CCDC148: variants seen among roughly 807,000 people sequenced by gnomAD.
CCDC148 encodes the protein coiled-coil domain-containing protein 148.
A neutral mutation model predicts 85.7 loss-of-function variants in CCDC148; 89 were observed. The ratio of observed to expected loss-of-function variants is 1.04; its 90% CI spans 0.87 to 1.24. CCDC148 has a LOEUF of 1.24. CCDC148 is among the 50% of genes most tolerant of loss of function. The pLI, the probability that CCDC148 is intolerant of heterozygous loss-of-function variation, is 0.00. For synonymous variants in CCDC148, 230 were observed against 213.9 expected (o/e 1.08, Z -0.66); for missense variants, 692 against 671.7 (o/e 1.03, Z -0.33).
chr2:158,177,524 C>A (rs1684651538), intron 12 of CCDC148, among the ~76,000 whole-genome samples: 1 of 152,054 alleles, frequency 6.6e-6, no homozygotes, highest in Non-Finnish European at 1.5e-5. Flanking sequence ...ACAGCTATTT[C>A]CTCTTTCAAA....
rs1684333081 is a variant in CCDC148, at chr2:158,171,818, T to A, written c.*295A>T. On this transcript the variant is annotated 3_prime_UTR_variant, in exon 14 of 14. Coordinates refer to ENST00000283233, the MANE Select transcript of CCDC148 (RefSeq NM_138803.4). ...ACAAAGTTATTTTGAGCTCTTTTTATAGGATAACATAACCTCCAACATGTA... is the reference window on the plus strand; with the variant it reads ...ACAAAGTTATTTTGAGCTCTTTTTAAAGGATAACATAACCTCCAACATGTA... 1 of 181,228 alleles carries A rather than the reference T, an allele frequency of 5.5e-6. No homozygotes were observed. Among genetic ancestry groups the A allele is most frequent in the Admixed American group, 6.2e-5 (1 of 16,092 alleles). The allele number at this position is 181,228 out of a possible 1,614,324, so 11.2% of individuals were successfully genotyped here.
chr2:158,236,929 G>A (rs1338344427), intron 10 of CCDC148, among the ~76,000 whole-genome samples: 3 of 152,180 alleles, frequency 2.0e-5, no homozygotes, highest in African/African-American at 7.2e-5. Flanking sequence ...GATGTCGGGA[G>A]TGACAAGTGC....
intron 9 of CCDC148, among the ~76,000 whole-genome samples, chr2:158,259,514 G>A (rs1299391085): frequency 1.3e-5 from 2 of 151,912 alleles, no homozygotes; most frequent in Non-Finnish European, 2.9e-5. Flanking sequence ...TGCTGCAGTT[G>A]CATTCTAGCT....
intron 12 of CCDC148, among the ~76,000 whole-genome samples, chr2:158,177,228 C>G (rs1446308533): frequency 6.6e-6 from 1 of 151,684 alleles, no homozygotes; most frequent in Non-Finnish European, 1.5e-5. Flanking sequence ...CCTCCTTCTA[C>G]TGAAAAATTG....
chr2:158,234,193 T>C (rs1687991134), intron 10 of CCDC148, among the ~76,000 whole-genome samples: 2 of 151,908 alleles, frequency 1.3e-5, no homozygotes, highest in South Asian at 4.1e-4. Context: ...AAAAATTGAC[T>C]TCAAAAGAAT....
intron 11 of CCDC148, among the ~76,000 whole-genome samples, chr2:158,206,148 G>A (rs1162286416): frequency 1.3e-5 from 2 of 152,050 alleles, no homozygotes; most frequent in Non-Finnish European, 2.9e-5. Context: ...TTTAACCTCT[G>A]TTTCATAAAC....
intron 1 of CCDC148, among the ~76,000 whole-genome samples, chr2:158,396,089 T>C (rs916393555): frequency 2.6e-5 from 4 of 152,126 alleles, no homozygotes; most frequent in Non-Finnish European, 5.9e-5. Flanking sequence ...ATGGTTTGAA[T>C]GTTCCAAAAT....
At chr2:158,280,032 C>T (rs1238456527) in intron 9 of CCDC148, among the ~76,000 whole-genome samples, 2 of 151,630 alleles carry the variant, frequency 1.3e-5, no homozygotes, top group Non-Finnish European at 2.9e-5. Context: ...AACTAAGCTT[C>T]ATAAGTGAAG....
At chr2:158,212,711 C>A (rs545844148) in intron 11 of CCDC148, among the ~76,000 whole-genome samples, 2 of 152,188 alleles carry the variant, frequency 1.3e-5, no homozygotes, top group African/African-American at 2.4e-5. Flanking sequence ...TGGAAAGCAA[C>A]GTTTTCTCCA....
chr2:158,305,454 AAG>A (rs1293105032), intron 9 of CCDC148, among the ~76,000 whole-genome samples: 1 of 152,122 alleles, frequency 6.6e-6, no homozygotes, highest in Non-Finnish European at 1.5e-5. Flanking sequence ...GGGAAGGAAC[AAG>A]AGTGTGGCAA....
chr2:158,210,408 C>T (rs1012798826), intron 11 of CCDC148, among the ~76,000 whole-genome samples: 1 of 152,046 alleles, frequency 6.6e-6, no homozygotes, highest in African/African-American at 2.4e-5. Flanking sequence ...AACAATGAGA[C>T]AGAAAATTAA....
chr2:158,188,574 C>A (rs1685264924), intron 11 of CCDC148, among the ~76,000 whole-genome samples: 1 of 151,774 alleles, frequency 6.6e-6, no homozygotes, highest in Non-Finnish European at 1.5e-5. Flanking sequence ...CTACCTCTCA[C>A]CATATATAAA....
At chr2:158,234,460 T>C (rs1460607225) in intron 10 of CCDC148, among the ~76,000 whole-genome samples, 1 of 152,096 alleles carries the variant, frequency 6.6e-6, no homozygotes, top group Non-Finnish European at 1.5e-5. Context: ...GGTAGGAGGG[T>C]AAATTGTCAT....
intron 1 of CCDC148, chr2:158,425,114 A>C: frequency 2.1e-6 from 1 of 486,112 alleles, no homozygotes; most frequent in Non-Finnish European, 4.1e-6. Flanking sequence ...ATGATCGCGG[A>C]TATGGGAATT....
intron 7 of CCDC148, among the ~76,000 whole-genome samples, chr2:158,322,392 G>A (rs1692562740): frequency 6.6e-6 from 1 of 151,758 alleles, no homozygotes. Context: ...ACCATTTATT[G>A]AAAAAAGGAA....
At chr2:158,176,313 C>T (rs1160461962) in intron 13 of CCDC148, among the ~76,000 whole-genome samples, 1 of 151,688 alleles carries the variant, frequency 6.6e-6, no homozygotes, top group Non-Finnish European at 1.5e-5. Flanking sequence ...TTTTAGGTAA[C>T]CTCTTGTTCT....
At chr2:158,413,581 C>G (rs189477867) in intron 1 of CCDC148, among the ~76,000 whole-genome samples, 94 of 146,488 alleles carry the variant, frequency 6.4e-4, no homozygotes, top group Admixed American at 2.6e-3. Context: ...CTATCTTGCT[C>G]TAGAACATTT....
At position 158,171,913 on chromosome 2, in the gene CCDC148, C is replaced by A. The variant is rs1238356674; in HGVS notation, c.*200G>T. 3 of 427,902 alleles carry A rather than the reference C, an allele frequency of 7.0e-6. No individual in the cohort carries two copies. The highest frequency in any genetic ancestry group is 1.2e-5 in the Non-Finnish European group (3 of 245,730). 26.5% of individuals were successfully genotyped at this position (427,902 alleles called of 1,614,324 possible). ...TTCCATAATTTGGGGGAATTTAGTA[C>A]TATTAAATATAACTTAAAGATACAG... On this transcript the variant is annotated 3_prime_UTR_variant, in exon 14 of 14. Transcript: ENST00000283233.
intron 7 of CCDC148, among the ~76,000 whole-genome samples, chr2:158,337,688 T>C (rs973338514): frequency 5.8e-4 from 88 of 151,686 alleles, no homozygotes; most frequent in African/African-American, 2.0e-3. Context: ...GAAAAAGGGG[T>C]CCAACTTCAG....
Sources: allele counts gnomAD v4.1 joint callset (sites outside exome capture counted in the v4.1 genomes callset), GRCh38; gene constraint gnomAD v4.1.1; transcripts MANE v1.5; gene names NCBI Gene and HGNC (gene_info 2026-07-23, HGNC 2026-07-21).